The following DPP10 variants were observed in gnomAD, a reference collection of about 807,000 sequenced individuals.
DPP10 encodes the protein dipeptidyl peptidase like 10.
A neutral mutation model predicts 120.9 loss-of-function variants in DPP10; 33 were observed. The ratio of observed to expected loss-of-function variants is 0.27; its 90% CI spans 0.21 to 0.37. DPP10 has a LOEUF of 0.37. Among genes scored for constraint, DPP10 ranks in the 10% least tolerant of loss-of-function variants. The pLI is 1.00. For missense variants in DPP10, 816 were observed against 942.8 expected, an observed-to-expected ratio of 0.87 and a Z score of 1.76; for synonymous variants, 337 against 326.1, an observed-to-expected ratio of 1.03 and a Z score of -0.36.
At chr2:114,695,432 A>G (rs1208418672) in intron 1 of DPP10, among the ~76,000 whole-genome samples, 1 of 152,066 alleles carries the variant, frequency 6.6e-6, no homozygotes, top group Non-Finnish European at 1.5e-5. Context: ...TTGTACATTG[A>G]CATATCATCG....
intron 1 of DPP10, among the ~76,000 whole-genome samples, chr2:115,297,551 C>T (rs979705962): frequency 6.6e-6 from 1 of 151,926 alleles, no homozygotes; most frequent in African/African-American, 2.4e-5. Flanking sequence ...TTGTTATATT[C>T]ATCTGTTTAA....
At chr2:115,205,306 A>G (rs1253053454) in intron 1 of DPP10, among the ~76,000 whole-genome samples, 1 of 152,188 alleles carries the variant, frequency 6.6e-6, no homozygotes, top group Admixed American at 6.6e-5. Context: ...ATTCTTCTGC[A>G]TATGGTTAGC....
chr2:114,500,936 G>A (rs1275048761), intron 1 of DPP10, among the ~76,000 whole-genome samples: 1 of 152,168 alleles, frequency 6.6e-6, no homozygotes, highest in Admixed American at 6.5e-5. Flanking sequence ...AGAGCCGAGG[G>A]CCACAGAAAA....
intron 3 of DPP10, among the ~76,000 whole-genome samples, chr2:115,442,307 C>G (rs1239379070): frequency 1.3e-5 from 2 of 151,938 alleles, no homozygotes; most frequent in African/African-American, 4.8e-5. Flanking sequence ...CAGTGCTCCT[C>G]TGCTCCTACC....
chr2:115,796,075 A>G (rs574217494), intron 19 of DPP10, among the ~76,000 whole-genome samples: 1 of 152,104 alleles, frequency 6.6e-6, no homozygotes, highest in South Asian at 2.1e-4. Flanking sequence ...AGTCTTCATG[A>G]TATATTTTCT....
chr2:115,036,683 ATTTG>A (rs1284776153), intron 1 of DPP10, among the ~76,000 whole-genome samples: 2 of 151,846 alleles, frequency 1.3e-5, no homozygotes, highest in Non-Finnish European at 2.9e-5. Context: ...ATTGGTTTTT[ATTTG>A]TTTGTTTGTT....
At chr2:114,801,822 T>A (rs1684276684) in intron 1 of DPP10, among the ~76,000 whole-genome samples, 2 of 152,222 alleles carry the variant, frequency 1.3e-5, no homozygotes, top group African/African-American at 4.8e-5. Flanking sequence ...TTTTCCTTTT[T>A]TTTCTGTCCA....
At position 115,356,979 on chromosome 2, in the gene DPP10, C is replaced by G. The variant is rs780016978; in HGVS notation, c.271+13067C>G. ...TAGTGGCTGAACTAATTTACATTAT[C>G]ACCAACAATGTTTAAGTGTTTTTGA... On this transcript the variant is annotated intron_variant, in intron 3 of 25. Transcript: ENST00000410059. Among the ~76,000 whole-genome samples, 11 of 152,284 alleles carry G rather than the reference C, an allele frequency of 7.2e-5. No individual in the cohort carries two copies. In the Middle Eastern group the frequency reaches 0.014, roughly 188 times the overall value.
At chr2:115,383,668 T>A (rs766465926) in intron 3 of DPP10, among the ~76,000 whole-genome samples, 7 of 152,196 alleles carry the variant, frequency 4.6e-5, no homozygotes, top group Non-Finnish European at 8.8e-5. Context: ...CCATGGTCAA[T>A]TCATATTCAT....
At chr2:115,638,483 T>C (rs143361822) in intron 5 of DPP10, among the ~76,000 whole-genome samples, 59 of 152,324 alleles carry the variant, frequency 3.9e-4, no homozygotes, top group African/African-American at 1.4e-3. Flanking sequence ...AAAGAGCAGC[T>C]GTTTTTGTGC....
chr2:114,648,593 T>C (rs961289546), intron 1 of DPP10, among the ~76,000 whole-genome samples: 3 of 152,312 alleles, frequency 2.0e-5, no homozygotes, highest in Non-Finnish European at 1.5e-5. Flanking sequence ...TATTTGAATG[T>C]ATTTGCCCAT....
chr2:115,474,857 C>T (rs559972856), intron 3 of DPP10, among the ~76,000 whole-genome samples: 3 of 152,118 alleles, frequency 2.0e-5, no homozygotes, highest in African/African-American at 7.2e-5. Context: ...ATTTCAGAGA[C>T]ATTTGTGGCA....
intron 1 of DPP10, among the ~76,000 whole-genome samples, chr2:114,443,868 T>C (rs1311078173): frequency 1.3e-5 from 2 of 152,136 alleles, no homozygotes; most frequent in Admixed American, 1.3e-4. Context: ...CCTTTAATAA[T>C]ATTGCATAGA....
chr2:114,572,906 C>T (rs1221359211), intron 1 of DPP10, among the ~76,000 whole-genome samples: 1 of 152,166 alleles, frequency 6.6e-6, no homozygotes, highest in Non-Finnish European at 1.5e-5. Context: ...AATTTAAAGT[C>T]GTGTAGAAAA....
At chr2:114,698,874 A>G (rs2105804880) in intron 1 of DPP10, among the ~76,000 whole-genome samples, 1 of 152,288 alleles carries the variant, frequency 6.6e-6, no homozygotes, top group African/African-American at 2.4e-5. Context: ...CTGTATAGTC[A>G]GGCACCTTTC....
At chr2:114,966,408 G>C (rs1451966720) in intron 1 of DPP10, among the ~76,000 whole-genome samples, 2 of 152,214 alleles carry the variant, frequency 1.3e-5, no homozygotes, top group African/African-American at 2.4e-5. Flanking sequence ...AGAGTAGCTT[G>C]TTTCAAAGAC....
intron 3 of DPP10, among the ~76,000 whole-genome samples, chr2:115,478,536 G>A (rs764899739): frequency 1.2e-4 from 19 of 152,088 alleles, no homozygotes; most frequent in South Asian, 2.1e-4. Context: ...CACAGACAGC[G>A]CAAGAAAATA....
At chr2:114,680,591 G>C (rs941514000) in intron 1 of DPP10, among the ~76,000 whole-genome samples, 5 of 151,954 alleles carry the variant, frequency 3.3e-5, no homozygotes, top group African/African-American at 1.2e-4. Context: ...GTGTTAAAAG[G>C]TTAGTACAAC....
At chr2:114,482,155 A>G (rs10193110) in intron 1 of DPP10, among the ~76,000 whole-genome samples, 102,278 of 151,958 alleles carry the variant, frequency 0.67, 34,610 homozygotes, top group East Asian at 0.71. Flanking sequence ...TTTGGGTGAG[A>G]ACACAGAACC....
Sources: gnomAD v4.1 joint callset for allele counts (sites outside exome capture counted in the v4.1 genomes callset) on GRCh38, gnomAD v4.1.1 for gene constraint, MANE v1.5 for transcripts, NCBI Gene and HGNC (gene_info 2026-07-23, HGNC 2026-07-21) for gene names.